PCDHGA9: variants seen among roughly 807,000 people sequenced by gnomAD.
PCDHGA9 encodes protocadherin gamma subfamily A, 9.
A neutral mutation model predicts 62.5 loss-of-function variants in PCDHGA9; 37 were observed. That is an observed-to-expected ratio of 0.59 (90% CI 0.46 to 0.78). The LOEUF is 0.78. Ranked by LOEUF, PCDHGA9 falls within the 30% of genes least tolerant of loss-of-function variation. PCDHGA9 has a pLI of 0.00. For missense variants in PCDHGA9, 1,138 were observed against 1,166.2 expected, an observed-to-expected ratio of 0.98 and a Z score of 0.35; for synonymous variants, 459 against 484.6, an observed-to-expected ratio of 0.95 and a Z score of 0.69.
chr5:141,414,209 A>G (rs2095719803), intron 1 of PCDHGA9: 3 of 1,612,712 alleles, frequency 1.9e-6, no homozygotes, highest in South Asian at 2.2e-5. Flanking sequence ...GAAGATGTAA[A>G]TGACAACAGT....
At chr5:141,460,842 C>T (rs1339558359) in intron 1 of PCDHGA9, among the ~76,000 whole-genome samples, 2 of 150,412 alleles carry the variant, frequency 1.3e-5, no homozygotes, top group African/African-American at 2.4e-5. Flanking sequence ...GTAATGGCCT[C>T]CAGTTCGATC....
chr5:141,511,373 G>T lies in PCDHGA9; in HGVS notation c.*200G>T. On this transcript the variant is annotated 3_prime_UTR_variant, in exon 4 of 4. Transcript: ENST00000573521. ...CCCCCAGGGGGTTGAATATGCAAAA[G>T]CAGTTCCGCTGGGAACCCCCATCCA... 8.0e-7 allele frequency: 1 copy of T among 1,251,332 alleles called. No homozygotes were observed. The highest frequency in any genetic ancestry group is 1.6e-5 in the South Asian group (1 of 63,796). The allele number at this position is 1,251,332 out of a possible 1,614,324, so 77.5% of individuals were successfully genotyped here.
At chr5:141,423,659 A>T (rs369390148) in intron 1 of PCDHGA9, 133 of 1,551,038 alleles carry the variant, frequency 8.6e-5, no homozygotes, top group Non-Finnish European at 1.1e-4. Context: ...ACAAGTAATC[A>T]GGTGAGATTT....
At position 141,437,305 on chromosome 5, in the gene PCDHGA9, G is replaced by A. The variant is rs369317069; in HGVS notation, c.2424+31929G>A. On this transcript the variant is annotated intron_variant, in intron 1 of 3. Transcript: ENST00000573521. ...TATCCATTTCATCTAACAAGTTAAA[G>A]CGTTCAGCTATAATTTAAAATTTGT... 1.8e-4 allele frequency among the ~76,000 whole-genome samples: 28 copies of A among 152,266 alleles called. No homozygotes were observed. In the South Asian group the frequency reaches 4.8e-3, roughly 26 times the overall value.
intron 1 of PCDHGA9, among the ~76,000 whole-genome samples, chr5:141,453,225 C>T (rs2098758997): frequency 6.6e-6 from 1 of 152,044 alleles, no homozygotes; most frequent in African/African-American, 2.4e-5. Context: ...GCGATCCTCC[C>T]ACCTCAGCCT....
intron 2 of PCDHGA9, among the ~76,000 whole-genome samples, chr5:141,499,015 AG>A (rs2099788530): frequency 6.6e-6 from 1 of 151,284 alleles, no homozygotes; most frequent in Non-Finnish European, 1.5e-5. Context: ...GAAGGAAGGA[AG>A]GAAGGAAGGA....
intron 1 of PCDHGA9, chr5:141,441,182 CA>C (rs1434822697): frequency 6.6e-6 from 1 of 152,140 alleles, no homozygotes; most frequent in African/African-American, 2.4e-5. Flanking sequence ...TCTAATTCCA[CA>C]ATGATTCCCA....
Position 141,431,601 on chromosome 5 carries a change from T to G in PCDHGA9, c.2424+26225T>G. 1 of 1,614,202 alleles carries G rather than the reference T, an allele frequency of 6.2e-7. No homozygotes were observed. Among genetic ancestry groups the G allele is most frequent in the Non-Finnish European group, 8.5e-7 (1 of 1,180,032 alleles). On this transcript the variant is annotated intron_variant, in intron 1 of 3. Transcript: ENST00000573521. The surrounding 1 kb of genome is among the most constrained non-coding windows in gnomAD (Gnocchi z 4.8). Reference sequence around the variant, plus strand: ...GTCAATGCGGAAGTGAGGTATTCCTTCCGGTATGTGGACGACAAGGCGGCC... The same window carrying G: ...GTCAATGCGGAAGTGAGGTATTCCTGCCGGTATGTGGACGACAAGGCGGCC...
intron 1 of PCDHGA9, chr5:141,426,513 C>T (rs780618436): frequency 6.2e-5 from 21 of 341,148 alleles, no homozygotes; most frequent in Non-Finnish European, 1.1e-4. Context: ...AATACTTTAC[C>T]GTGAACACGG....
chr5:141,435,906 A>C (rs1246100275), intron 1 of PCDHGA9, among the ~76,000 whole-genome samples: 1 of 152,182 alleles, frequency 6.6e-6, no homozygotes, highest in African/African-American at 2.4e-5. Context: ...AAAGACATCC[A>C]AGGGCTCTAA....
At chr5:141,461,009 A>T (rs1407993113) in intron 1 of PCDHGA9, among the ~76,000 whole-genome samples, 1 of 151,542 alleles carries the variant, frequency 6.6e-6, no homozygotes, top group Admixed American at 6.6e-5. Flanking sequence ...GTATATATAT[A>T]TACCACATTT....
At chr5:141,474,606 T>C (rs1156236978) in intron 1 of PCDHGA9, among the ~76,000 whole-genome samples, 1 of 152,242 alleles carries the variant, frequency 6.6e-6, no homozygotes, top group Non-Finnish European at 1.5e-5. Context: ...ATAGGTCACA[T>C]ATGGCTTTTC....
chr5:141,487,041 G>T lies in PCDHGA9; in HGVS notation c.2425-7766G>T, dbSNP rs149314216. Reference sequence around the variant, plus strand: ...GATCCCAGCCTGTTTGCAGTCTCTCGATATGCTGGGGAGGTGCGGACGGCT... The same window carrying T: ...GATCCCAGCCTGTTTGCAGTCTCTCTATATGCTGGGGAGGTGCGGACGGCT... On this transcript the variant is annotated intron_variant, in intron 1 of 3. Transcript: ENST00000573521. This position sits in a 1 kb window ranked among gnomAD's most constrained non-coding sequence, Gnocchi z 5.0. 6.2e-7 allele frequency: 1 copy of T among 1,614,132 alleles called. No homozygotes were observed. The highest frequency in any genetic ancestry group is 8.5e-7 in the Non-Finnish European group (1 of 1,180,030).
chr5:141,477,506 G>T lies in PCDHGA9; in HGVS notation c.2425-17301G>T, dbSNP rs766083208. 6.2e-7 allele frequency: 1 copy of T among 1,614,028 alleles called. No homozygotes were observed. The highest frequency in any genetic ancestry group is 8.5e-7 in the Non-Finnish European group (1 of 1,180,016). On this transcript the variant is annotated intron_variant, in intron 1 of 3. Coordinates refer to ENST00000573521, the MANE Select transcript of PCDHGA9 (RefSeq NM_018921.3). This position sits in a 1 kb window ranked among gnomAD's most constrained non-coding sequence, Gnocchi z 4.9. ...ACAATCTTCTCAATCTTCCTACGAC[G>T]TTTACATTGAAGAAAACAACCTCCC...
intron 1 of PCDHGA9, chr5:141,408,110 T>G: frequency 2.8e-6 from 4 of 1,445,204 alleles, no homozygotes; most frequent in Non-Finnish European, 2.7e-6. Context: ...GACCCGGGAC[T>G]CCTCCTGTCC....
chr5:141,428,794 T>C (rs2097161574), intron 1 of PCDHGA9: 1 of 152,852 alleles, frequency 6.5e-6, no homozygotes, highest in African/African-American at 2.4e-5. Context: ...CCTTTCTGTG[T>C]GGGCCAGTAA....
chr5:141,499,881 T>A (rs2099795027), intron 2 of PCDHGA9, among the ~76,000 whole-genome samples: 1 of 152,082 alleles, frequency 6.6e-6, no homozygotes, highest in African/African-American at 2.4e-5. Flanking sequence ...ACAAACAGGG[T>A]TTCGCCATGT....
intron 1 of PCDHGA9, among the ~76,000 whole-genome samples, chr5:141,488,133 G>T (rs1046071550): frequency 6.6e-6 from 1 of 152,198 alleles, no homozygotes; most frequent in Non-Finnish European, 1.5e-5. Context: ...AGAAAGAGGA[G>T]AGAACTAAAG....
In PCDHGA9 at chr5:141,432,365, G is replaced by A. The variant is rs1561860587; in HGVS notation, c.2424+26989G>A. The A allele has an allele frequency of 6.2e-7, 1 of 1,614,224 alleles. No homozygotes were observed. The highest frequency in any genetic ancestry group is 2.2e-5 in the East Asian group (1 of 44,882). ...CTTGCAAGTGAAAGTGATGGCGCGG[G>A]ACAACGGGCACCCGCCCCTCAGCAG... On this transcript the variant is annotated intron_variant, in intron 1 of 3. Transcript: ENST00000573521. The surrounding 1 kb of genome is among the most constrained non-coding windows in gnomAD (Gnocchi z 6.0).
Sources: gnomAD v4.1 joint callset for allele counts (sites outside exome capture counted in the v4.1 genomes callset) on GRCh38, gnomAD v4.1.1 for gene constraint, Gnocchi (gnomAD v3.1) non-coding constraint, MANE v1.5 for transcripts, NCBI Gene and HGNC (gene_info 2026-07-23, HGNC 2026-07-21) for gene names.